The following NCAPG2 variants were observed in gnomAD, a reference collection of about 807,000 sequenced individuals.
The protein encoded by NCAPG2 is non-SMC condensin II complex subunit G2.
In NCAPG2, 53 loss-of-function variants were observed where a neutral mutation model predicts 141.1. The observed-to-expected ratio is 0.38, with a 90% confidence interval of 0.30 to 0.47. The LOEUF is 0.47. Among genes scored for constraint, NCAPG2 ranks in the 20% least tolerant of loss-of-function variants. NCAPG2 has a pLI of 0.99. For missense variants in NCAPG2, 1,087 were observed against 1,389.0 expected (o/e 0.78, Z 3.46); for synonymous variants, 499 against 490.7 (o/e 1.02, Z -0.22).
At chr7:158,667,580 C>CTTACCTACCCTGTGGCCCTCCACCCT in intron 13 of NCAPG2, among the ~76,000 whole-genome samples, 1 of 17,584 alleles carries the variant, frequency 5.7e-5, no homozygotes, top group African/African-American at 2.2e-4. Context: ...CTCCGCCCTC[C>CTTACCTACCCTGTGGCCCTCCACCCT]CTTACCCACT....
intron 22 of NCAPG2, among the ~76,000 whole-genome samples, chr7:158,653,696 A>G (rs1035494243): frequency 3.3e-5 from 5 of 152,242 alleles, no homozygotes; most frequent in African/African-American, 7.2e-5. Context: ...AACCAACTTA[A>G]TCTAATTTTC....
At chr7:158,663,066 C>T (rs529828049) in intron 15 of NCAPG2, among the ~76,000 whole-genome samples, 269 of 152,392 alleles carry the variant, frequency 1.8e-3, no homozygotes, top group African/African-American at 5.9e-3. Context: ...ACGCTGTCAA[C>T]GCGGCAAGCC....
intron 2 of NCAPG2, among the ~76,000 whole-genome samples, chr7:158,697,571 A>C (rs1236396447): frequency 6.6e-6 from 1 of 152,020 alleles, no homozygotes; most frequent in Non-Finnish European, 1.5e-5. Flanking sequence ...ACTGCACTCC[A>C]GCCTGAGCAA....
rs550204061 is a variant in NCAPG2, at chr7:158,692,729, G to A, written c.382+113C>T. 5.6e-3 allele frequency: 4,525 copies of A among 814,608 alleles called. 22 individuals carry two copies. Among genetic ancestry groups the A allele is most frequent in the Middle Eastern group, 0.015 (41 of 2,780 alleles). The allele number at this position is 814,608 out of a possible 1,614,324, so 50.5% of individuals were successfully genotyped here. A position where few individuals can be genotyped will look rare whatever the true frequency, so the allele number is the denominator to read the frequency against. Reference sequence around the variant, plus strand: ...GCACTCCTGCCTAGGCAACAAGAGCGAAACTCCGTCTCAAAAAAAATAAAT... The same window carrying A: ...GCACTCCTGCCTAGGCAACAAGAGCAAAACTCCGTCTCAAAAAAAATAAAT... On this transcript the variant is annotated intron_variant, in intron 4 of 27. Coordinates refer to ENST00000356309, the MANE Select transcript of NCAPG2 (RefSeq NM_017760.7).
chr7:158,680,748 A>G lies in NCAPG2; in HGVS notation c.993T>C (p.Tyr331=). Residue 331 remains tyrosine, a synonymous_variant, in exon 10 of 28, where the codon TAT becomes TAC. Transcript: ENST00000356309. ...QGVEEMLYRL[Y]KPILWRGLKA... ...TTAATCCTCTCCAAAGGATGGGCTTATATAATCTATAAAGCATCTCTTCCA... is the reference window on the plus strand; with the variant it reads ...TTAATCCTCTCCAAAGGATGGGCTTGTATAATCTATAAAGCATCTCTTCCA... 1 of 1,601,344 alleles carries G rather than the reference A, an allele frequency of 6.2e-7. No homozygotes were observed. The highest frequency in any genetic ancestry group is 8.5e-7 in the Non-Finnish European group (1 of 1,172,524).
At chr7:158,672,576 C>T (rs1270915924) in intron 12 of NCAPG2, among the ~76,000 whole-genome samples, 2 of 151,690 alleles carry the variant, frequency 1.3e-5, no homozygotes, top group Non-Finnish European at 2.9e-5. Flanking sequence ...CTCCTGACCT[C>T]GTGATCTGCC....
chr7:158,664,970 A>G (rs1832806168), intron 13 of NCAPG2: 1 of 496,102 alleles, frequency 2.0e-6, no homozygotes, highest in Admixed American at 3.8e-5. Context: ...GCACCCAAGT[A>G]TTAGGGTGCT....
At chr7:158,648,817 CACAACCACGCCAAATGGACT>C (rs1563504903) in intron 24 of NCAPG2, among the ~76,000 whole-genome samples, 1 of 20,504 alleles carries the variant, frequency 4.9e-5, no homozygotes, top group African/African-American at 1.5e-4. Flanking sequence ...CCAAATGGAC[CACAACCACGCCAAATGGACT>C]ACAACCACGG....
At chr7:158,666,175 GT>G (rs1832919896) in intron 13 of NCAPG2, among the ~76,000 whole-genome samples, 1 of 152,206 alleles carries the variant, frequency 6.6e-6, no homozygotes, top group Non-Finnish European at 1.5e-5. Context: ...TGCTGTCACG[GT>G]TTAAGAGGAC....
intron 11 of NCAPG2, among the ~76,000 whole-genome samples, chr7:158,676,267 A>G (rs1449671434): frequency 2.0e-5 from 3 of 152,262 alleles, no homozygotes. Flanking sequence ...AATGGGTTCT[A>G]TAAAATCCAG....
Position 158,692,698 on chromosome 7 carries a change from G to A in NCAPG2, c.382+144C>T, listed in dbSNP as rs559169410. On this transcript the variant is annotated intron_variant, in intron 4 of 27. Transcript: ENST00000356309. Reference sequence around the variant, plus strand: ...GGAGGTTGCGGTGAGCTGAGATCGCGCCATTGCACTCCTGCCTAGGCAACA... The same window carrying A: ...GGAGGTTGCGGTGAGCTGAGATCGCACCATTGCACTCCTGCCTAGGCAACA... 2.1e-4 allele frequency: 133 copies of A among 635,560 alleles called. 2 individuals are homozygous for A. Among genetic ancestry groups the A allele is most frequent in the Middle Eastern group, 8.6e-4 (2 of 2,322 alleles). The allele number at this position is 635,560 out of a possible 1,614,324, so 39.4% of individuals were successfully genotyped here. A position where few individuals can be genotyped will look rare whatever the true frequency, so the allele number is the denominator to read the frequency against.
intron 16 of NCAPG2, among the ~76,000 whole-genome samples, chr7:158,660,219 T>C (rs1832374413): frequency 6.6e-6 from 1 of 151,908 alleles, no homozygotes; most frequent in African/African-American, 2.4e-5. Context: ...TTTTCCTTAG[T>C]GGTGGAGAGA....
At chr7:158,703,060 T>C (rs775645990) in intron 1 of NCAPG2, among the ~76,000 whole-genome samples, 1 of 152,220 alleles carries the variant, frequency 6.6e-6, no homozygotes, top group Non-Finnish European at 1.5e-5. Flanking sequence ...TACAGTAACA[T>C]TCTAGGAGCA....
chr7:158,692,016 C>T (rs1448644483), intron 4 of NCAPG2, among the ~76,000 whole-genome samples: 1 of 152,178 alleles, frequency 6.6e-6, no homozygotes, highest in Non-Finnish European at 1.5e-5. Flanking sequence ...TTAAATTAAA[C>T]TAATTAGGCC....
At chr7:158,645,835 G>C (rs1316864861) in intron 25 of NCAPG2, among the ~76,000 whole-genome samples, 1 of 152,164 alleles carries the variant, frequency 6.6e-6, no homozygotes, top group Non-Finnish European at 1.5e-5. Context: ...CAGGGATGCT[G>C]TGCTGAGTGA....
At chr7:158,660,762 C>G (rs1203246632) in intron 16 of NCAPG2, among the ~76,000 whole-genome samples, 1 of 152,162 alleles carries the variant, frequency 6.6e-6, no homozygotes, top group African/African-American at 2.4e-5. Flanking sequence ...GCTGTGTCCC[C>G]ACCCAAATGT....
chr7:158,688,216 TAGTAC>T (rs1452887964), intron 6 of NCAPG2, among the ~76,000 whole-genome samples: 1 of 152,188 alleles, frequency 6.6e-6, no homozygotes, highest in Non-Finnish European at 1.5e-5. Flanking sequence ...AGTAATCTGT[TAGTAC>T]AGTACAAGAT....
chr7:158,642,957 TTTTTAC>T (rs1249533917), intron 27 of NCAPG2, among the ~76,000 whole-genome samples: 1 of 152,024 alleles, frequency 6.6e-6, no homozygotes, highest in Non-Finnish European at 1.5e-5. Context: ...TTATTTTTAT[TTTTTAC>T]TTTTATTTAT....
At position 158,693,357 on chromosome 7, in the gene NCAPG2, C is replaced by G. The variant is rs781086875; in HGVS notation, c.219G>C (p.Val73=). The G allele has an allele frequency of 3.1e-6, 5 of 1,614,094 alleles. No homozygotes were observed. The highest frequency in any genetic ancestry group is 3.4e-6 in the Non-Finnish European group (4 of 1,180,002). ...CCATATTGTCTTCACCCTGGGCTTCCACTACCTGCCACCCATCCACTGGGC... is the reference window on the plus strand; with the variant it reads ...CCATATTGTCTTCACCCTGGGCTTCGACTACCTGCCACCCATCCACTGGGC... The part of the protein sequence containing the change: ...LESPVDGWQV[V]EAQGEDNMET... The change falls in exon 3 of 28, where the codon GTG becomes GTC. Residue 73 remains valine, a synonymous_variant. Transcript: ENST00000356309.
Sources: gnomAD v4.1 joint callset for allele counts (sites outside exome capture counted in the v4.1 genomes callset) on GRCh38, gnomAD v4.1.1 for gene constraint, MANE v1.5 for transcripts, NCBI Gene and HGNC (gene_info 2026-07-23, HGNC 2026-07-21) for gene names.